PPM1L: variants seen among roughly 807,000 people sequenced by gnomAD.
PPM1L encodes protein phosphatase 1L.
PPM1L carries 13 observed loss-of-function variants against 31.4 expected under a neutral mutation model. The ratio of observed to expected loss-of-function variants is 0.41; its 90% CI spans 0.27 to 0.66. PPM1L has a LOEUF of 0.66. Ranked by LOEUF, PPM1L falls within the 30% of genes least tolerant of loss-of-function variation. The pLI is 0.29. For missense variants in PPM1L, 326 were observed against 453.7 expected (o/e 0.72, Z 2.56); for synonymous variants, 184 against 175.4 (o/e 1.05, Z -0.39).
intron 2 of PPM1L, among the ~76,000 whole-genome samples, chr3:161,055,839 T>A (rs1364212923): frequency 6.6e-6 from 1 of 152,210 alleles, no homozygotes; most frequent in Middle Eastern, 3.4e-3. Flanking sequence ...GAAAAGACTT[T>A]ATGTCACAGA....
intron 1 of PPM1L, among the ~76,000 whole-genome samples, chr3:160,928,156 C>T (rs572823508): frequency 6.6e-6 from 1 of 152,164 alleles, no homozygotes; most frequent in Non-Finnish European, 1.5e-5. Flanking sequence ...CTTCCATAGA[C>T]AGCTAAACTC....
chr3:160,930,841 T>TTA (rs1553746521), intron 1 of PPM1L, among the ~76,000 whole-genome samples: 20 of 152,060 alleles, frequency 1.3e-4, no homozygotes, highest in Admixed American at 1.0e-3. Flanking sequence ...TGCCTTGAGG[T>TTA]ACCTCTAACT....
In PPM1L at chr3:161,033,375, A is replaced by G. The variant is rs199648118; in HGVS notation, c.575-32028A>G. ...CATATGGAACCAAAAAAGAGCCCGT[A>G]GAGCCAAGAGAATCCTAAGCAAACA... On this transcript the variant is annotated intron_variant, in intron 2 of 3. Transcript: ENST00000498165. Among the ~76,000 whole-genome samples, 4 of 152,222 alleles carry G rather than the reference A, an allele frequency of 2.6e-5. No individual in the cohort carries two copies. In the East Asian group the frequency reaches 7.7e-4, roughly 29 times the overall value.
At chr3:160,963,146 T>C (rs1716019354) in intron 2 of PPM1L, among the ~76,000 whole-genome samples, 1 of 152,048 alleles carries the variant, frequency 6.6e-6, no homozygotes, top group Non-Finnish European at 1.5e-5. Flanking sequence ...TAGCATCTTA[T>C]AGATCATAGA....
At chr3:160,945,016 ATATT>A (rs1181542416) in intron 1 of PPM1L, among the ~76,000 whole-genome samples, 1 of 6,034 alleles carries the variant, frequency 1.7e-4, no homozygotes, top group East Asian at 1.5e-3. Context: ...TATAACATAT[ATATT>A]ATATATAACT....
intron 2 of PPM1L, among the ~76,000 whole-genome samples, chr3:160,994,198 G>A (rs1717229889): frequency 6.6e-6 from 1 of 152,078 alleles, no homozygotes; most frequent in South Asian, 2.1e-4. Context: ...CAACTCCAGT[G>A]GGGAAGGCAC....
intron 2 of PPM1L, among the ~76,000 whole-genome samples, chr3:161,063,444 A>G (rs950843669): frequency 2.0e-5 from 3 of 151,978 alleles, no homozygotes; most frequent in African/African-American, 7.3e-5. Flanking sequence ...TGGAATTTCA[A>G]GCAGAACTAT....
At position 161,030,204 on chromosome 3, in the gene PPM1L, C is replaced by T. The variant is rs145663091; in HGVS notation, c.575-35199C>T. Among the ~76,000 whole-genome samples, 17 of 152,236 alleles carry T rather than the reference C, an allele frequency of 1.1e-4. No individual in the cohort carries two copies. The East Asian group carries it at 2.9e-3, about 26-fold the overall frequency. ...CAAAAGTTAGTACTAAAAGATAGGG[C>T]CTTTAGGAGACGATTAAGGATTAGT... On this transcript the variant is annotated intron_variant, in intron 2 of 3. Coordinates refer to ENST00000498165, the MANE Select transcript of PPM1L (RefSeq NM_139245.4).
intron 1 of PPM1L, among the ~76,000 whole-genome samples, chr3:160,863,626 A>G (rs1318734497): frequency 6.6e-6 from 1 of 152,184 alleles, no homozygotes; most frequent in African/African-American, 2.4e-5. Flanking sequence ...ATCCGAAGTT[A>G]CTGGACTGTG....
intron 1 of PPM1L, among the ~76,000 whole-genome samples, chr3:160,887,424 A>G (rs1387495842): frequency 2.0e-5 from 3 of 152,104 alleles, no homozygotes; most frequent in Non-Finnish European, 2.9e-5. Flanking sequence ...CTCAAGACAC[A>G]TAATCATAAA....
chr3:160,801,686 T>TTTTTG lies in PPM1L; in HGVS notation c.399+44994_399+44998dup, dbSNP rs1480596652. 2.0e-5 allele frequency among the ~76,000 whole-genome samples: 3 copies of TTTTTG among 152,284 alleles called. 1 individual carries two copies. The highest frequency in any genetic ancestry group is 4.1e-4 in the South Asian group (2 of 4,820). ...ATTTTACTCAGGGGACTTCTGCAGT[T>TTTTTG]TTTTGTTTTGTTTTGTTTTTAAAAC... On this transcript the variant is annotated intron_variant, in intron 1 of 3. Coordinates refer to ENST00000498165, the MANE Select transcript of PPM1L (RefSeq NM_139245.4).
chr3:160,898,358 T>A (rs1055819562), intron 1 of PPM1L, among the ~76,000 whole-genome samples: 3 of 152,192 alleles, frequency 2.0e-5, no homozygotes, highest in African/African-American at 2.4e-5. Context: ...TGAATAAATG[T>A]CAACACTGTC....
rs113273287 is a variant in PPM1L at position 160,756,752 on chromosome 3, C to CGTGTGTGTGTGTGTGT, written c.399+68_399+83dup. The CGTGTGTGTGTGTGTGT allele has an allele frequency of 8.4e-4, 857 of 1,016,582 alleles. 6 individuals carry two copies. Among genetic ancestry groups the CGTGTGTGTGTGTGTGT allele is most frequent in the Admixed American group, 2.9e-3 (126 of 42,714 alleles). The allele number at this position is 1,016,582 out of a possible 1,614,324, so 63.0% of individuals were successfully genotyped here. ...TTTGTATTTGTGTCCGTGTATGTCTCGTGTGTGTGTGTGTGTGTGTGTGTG... is the reference window on the plus strand; with the variant it reads ...TTTGTATTTGTGTCCGTGTATGTCTCGTGTGTGTGTGTGTGTGTGTGTGTGTGTGTGTGTGTGTGTG... On this transcript the variant is annotated intron_variant, in intron 1 of 3. Transcript: ENST00000498165. The surrounding 1 kb of genome is among the most constrained non-coding windows in gnomAD (Gnocchi z 6.2).
intron 2 of PPM1L, among the ~76,000 whole-genome samples, chr3:161,058,698 C>A (rs1005583808): frequency 6.6e-6 from 1 of 152,066 alleles, no homozygotes; most frequent in Non-Finnish European, 1.5e-5. Flanking sequence ...CCTGCCCTCC[C>A]CACTCTGAAT....
At chr3:160,812,769 G>T (rs1712849922) in intron 1 of PPM1L, among the ~76,000 whole-genome samples, 1 of 152,274 alleles carries the variant, frequency 6.6e-6, no homozygotes, top group Admixed American at 6.5e-5. Flanking sequence ...AGGGAGGGGG[G>T]CAGCTGGCCA....
intron 2 of PPM1L, among the ~76,000 whole-genome samples, chr3:160,983,707 C>T (rs768829659): frequency 1.3e-4 from 20 of 152,130 alleles, no homozygotes; most frequent in Non-Finnish European, 2.5e-4. Flanking sequence ...TTGGGGGAAC[C>T]CACCCCTGAT....
chr3:160,816,478 GTTTT>G (rs5853903), intron 1 of PPM1L, among the ~76,000 whole-genome samples: 1 of 145,828 alleles, frequency 6.9e-6, no homozygotes, highest in Non-Finnish European at 1.5e-5. Flanking sequence ...GACAGAGTCT[GTTTT>G]TTTTTTTTTT....
At chr3:160,885,793 A>G (rs1192370819) in intron 1 of PPM1L, among the ~76,000 whole-genome samples, 1 of 152,232 alleles carries the variant, frequency 6.6e-6, no homozygotes, top group Non-Finnish European at 1.5e-5. Flanking sequence ...CAGATTCTCA[A>G]CAGCCTCTCA....
intron 2 of PPM1L, among the ~76,000 whole-genome samples, chr3:161,054,371 A>G (rs970208583): frequency 2.0e-5 from 3 of 151,176 alleles, no homozygotes; most frequent in African/African-American, 4.8e-5. Context: ...ACCTTGTACT[A>G]TGATGTCTTT....
Sources: gnomAD v4.1 joint callset for allele counts (sites outside exome capture counted in the v4.1 genomes callset) on GRCh38, gnomAD v4.1.1 for gene constraint, Gnocchi (gnomAD v3.1) non-coding constraint, MANE v1.5 for transcripts, NCBI Gene and HGNC (gene_info 2026-07-23, HGNC 2026-07-21) for gene names.